Variants in KIAA1328 observed in about 807,000 individuals in gnomAD.
KIAA1328 encodes the protein protein hinderin.
KIAA1328 carries 52 observed loss-of-function variants against 68.1 expected under a neutral mutation model. The observed-to-expected ratio is 0.76, with a 90% CI of 0.61 to 0.96. The LOEUF (loss-of-function observed/expected upper bound fraction) is 0.96, where lower values mean the gene tolerates loss of function less well. Among genes scored for constraint, KIAA1328 ranks in the 40% least tolerant of loss-of-function variants. The pLI is 0.00. For synonymous variants in KIAA1328, 232 were observed against 239.4 expected (o/e 0.97, Z 0.28); for missense variants, 641 against 677.6 (o/e 0.95, Z 0.60).
intron 7 of KIAA1328, among the ~76,000 whole-genome samples, chr18:37,154,217 C>G (rs1473876865): frequency 3.3e-5 from 5 of 152,182 alleles, no homozygotes; most frequent in African/African-American, 1.2e-4. Flanking sequence ...CCACCCTAGA[C>G]TGATTAATTC....
At chr18:37,216,222 T>C (rs1363408824) in intron 9 of KIAA1328, among the ~76,000 whole-genome samples, 1 of 152,248 alleles carries the variant, frequency 6.6e-6, no homozygotes, top group Non-Finnish European at 1.5e-5. Flanking sequence ...TTTCTAGTTC[T>C]TTTAATTGTG....
chr18:37,136,434 C>T (rs1246725650), intron 7 of KIAA1328, among the ~76,000 whole-genome samples: 3 of 152,198 alleles, frequency 2.0e-5, no homozygotes, highest in Non-Finnish European at 4.4e-5. Flanking sequence ...TTCATAAGTA[C>T]ATGCTTGAAT....
chr18:36,977,088 C>T (rs1023582802), intron 6 of KIAA1328, among the ~76,000 whole-genome samples: 3 of 152,060 alleles, frequency 2.0e-5, no homozygotes, highest in Non-Finnish European at 4.4e-5. Flanking sequence ...GGAGGCAGCA[C>T]GTTTAGAGAA....
In KIAA1328 at chr18:36,831,382, C is replaced by T. The variant is rs144694523; in HGVS notation, c.58+2186C>T. ...CAGCAGTGCTGTTTTGCACAAGGAA[C>T]GTTTTAGTACCTCATCTGTAAACAA... On this transcript the variant is annotated intron_variant, in intron 1 of 9. Transcript: ENST00000280020. Among the ~76,000 whole-genome samples, 13 of 152,094 alleles carry T rather than the reference C, an allele frequency of 8.5e-5. No homozygotes were observed. The East Asian group carries it at 1.9e-3, about 23-fold the overall frequency.
At chr18:36,862,992 C>T (rs2047616897) in intron 4 of KIAA1328, among the ~76,000 whole-genome samples, 1 of 152,050 alleles carries the variant, frequency 6.6e-6, no homozygotes, top group South Asian at 2.1e-4. Context: ...CCTTTAGCCC[C>T]ATTTCTTATT....
chr18:36,857,035 T>G (rs2047407022), intron 4 of KIAA1328, among the ~76,000 whole-genome samples: 1 of 152,176 alleles, frequency 6.6e-6, no homozygotes, highest in Non-Finnish European at 1.5e-5. Flanking sequence ...ATCTGATGTA[T>G]TCCTTCAACG....
chr18:36,973,915 G>A (rs979999902), intron 6 of KIAA1328, among the ~76,000 whole-genome samples: 2 of 151,610 alleles, frequency 1.3e-5, no homozygotes, highest in African/African-American at 4.8e-5. Flanking sequence ...TTATTGACCT[G>A]AAGATATATA....
chr18:37,212,125 G>A (rs323491), intron 9 of KIAA1328, among the ~76,000 whole-genome samples: 40,964 of 152,108 alleles, frequency 0.27, 8,697 homozygotes, highest in African/African-American at 0.6. Context: ...TTCAAACAAA[G>A]CTCATTCCTT....
In KIAA1328 at chr18:37,180,743, A is replaced by G. The variant is rs75195902; in HGVS notation, c.1523+7662A>G. On this transcript the variant is annotated intron_variant, in intron 9 of 9. Coordinates refer to ENST00000280020, the MANE Select transcript of KIAA1328 (RefSeq NM_020776.3). Reference sequence around the variant, plus strand: ...CTAGCAGAGGAAATGATCATGTATTATCCTCCTAGCAGGAGAGAGGAATAA... The same window carrying G: ...CTAGCAGAGGAAATGATCATGTATTGTCCTCCTAGCAGGAGAGAGGAATAA... Among the ~76,000 whole-genome samples the G allele has an allele frequency of 6.5e-3, 987 of 152,136 alleles. 14 individuals are homozygous for G. The highest frequency in any genetic ancestry group is 0.022 in the African/African-American group (917 of 41,504).
At chr18:36,885,316 A>T (rs1342955229) in intron 4 of KIAA1328, among the ~76,000 whole-genome samples, 2 of 152,170 alleles carry the variant, frequency 1.3e-5, no homozygotes, top group African/African-American at 4.8e-5. Context: ...CATATTTAAG[A>T]TATCTCTGAT....
intron 5 of KIAA1328, among the ~76,000 whole-genome samples, chr18:36,897,620 G>T (rs2048906415): frequency 6.6e-6 from 1 of 152,030 alleles, no homozygotes. Context: ...CAAGAGAATA[G>T]TTATTAGTGA....
At chr18:36,912,219 A>G (rs2049481532) in intron 5 of KIAA1328, among the ~76,000 whole-genome samples, 1 of 152,128 alleles carries the variant, frequency 6.6e-6, no homozygotes, top group African/African-American at 2.4e-5. Flanking sequence ...ACAGTTCTGG[A>G]GGTCAGAAAT....
At chr18:37,131,378 A>G (rs942298354) in intron 7 of KIAA1328, among the ~76,000 whole-genome samples, 2 of 152,236 alleles carry the variant, frequency 1.3e-5, no homozygotes, top group African/African-American at 2.4e-5. Flanking sequence ...CTTGTGGACC[A>G]TAGTTTGTGA....
chr18:37,081,188 G>T (rs1472664272), intron 7 of KIAA1328, among the ~76,000 whole-genome samples: 3 of 152,044 alleles, frequency 2.0e-5, no homozygotes, highest in African/African-American at 7.2e-5. Context: ...CACCATGTTG[G>T]CCAGGCTGGT....
intron 9 of KIAA1328, 38 bp from the exon 10 acceptor site, chr18:37,221,979 A>G (rs2060572273): frequency 6.3e-7 from 1 of 1,588,162 alleles, no homozygotes; most frequent in African/African-American, 1.3e-5. Context: ...ATTTTCTAAT[A>G]ATCTGATCCT....
intron 9 of KIAA1328, among the ~76,000 whole-genome samples, chr18:37,190,333 G>T (rs1412566012): frequency 6.6e-6 from 1 of 152,078 alleles, no homozygotes; most frequent in African/African-American, 2.4e-5. Flanking sequence ...AAAAATCACT[G>T]CTATAAAATA....
chr18:37,034,358 G>T (rs1330140268), intron 6 of KIAA1328, among the ~76,000 whole-genome samples: 1 of 152,080 alleles, frequency 6.6e-6, no homozygotes, highest in Non-Finnish European at 1.5e-5. Context: ...ATTAAAGAGA[G>T]CCCAAACTGA....
intron 6 of KIAA1328, among the ~76,000 whole-genome samples, chr18:37,048,607 G>A (rs903655744): frequency 2.0e-4 from 31 of 151,950 alleles, no homozygotes; most frequent in Non-Finnish European, 3.8e-4. Context: ...GGTGCTTTAC[G>A]TTTAAATTCT....
intron 4 of KIAA1328, among the ~76,000 whole-genome samples, chr18:36,876,322 T>A (rs576256686): frequency 1.3e-5 from 2 of 152,166 alleles, no homozygotes; most frequent in Non-Finnish European, 2.9e-5. Flanking sequence ...TTTTGGTTGG[T>A]AGGCTATTAA....
Sources: gnomAD v4.1 joint callset for allele counts (sites outside exome capture counted in the v4.1 genomes callset) on GRCh38, gnomAD v4.1.1 for gene constraint, MANE v1.5 for transcripts, NCBI Gene and HGNC (gene_info 2026-07-23, HGNC 2026-07-21) for gene names.